PTPRE: variants seen among roughly 807,000 people sequenced by gnomAD.
PTPRE encodes receptor-type tyrosine-protein phosphatase epsilon.
PTPRE carries 51 observed loss-of-function variants against 102.0 expected under a neutral mutation model. The observed-to-expected ratio is 0.50, with a 90% confidence interval of 0.40 to 0.63. PTPRE has a LOEUF of 0.63. PTPRE is among the 30% of genes least tolerant of loss of function. The pLI, the probability that PTPRE is intolerant of heterozygous loss-of-function variation, is 0.00. For synonymous variants in PTPRE, 345 were observed against 348.2 expected (o/e 0.99, Z 0.10); for missense variants, 752 against 915.1 (o/e 0.82, Z 2.30).
At chr10:128,017,232 G>T (rs1845506905) in intron 2 of PTPRE, among the ~76,000 whole-genome samples, 1 of 152,204 alleles carries the variant, frequency 6.6e-6, no homozygotes, top group African/African-American at 2.4e-5. Flanking sequence ...GCATGGCTCA[G>T]AGGGGAATGG....
At chr10:127,919,605 C>T (rs955165160) in intron 1 of PTPRE, among the ~76,000 whole-genome samples, 3 of 152,124 alleles carry the variant, frequency 2.0e-5, no homozygotes, top group South Asian at 2.1e-4. Context: ...GAAGAAAGCC[C>T]GGGTTATTCA....
intron 1 of PTPRE, among the ~76,000 whole-genome samples, chr10:127,918,008 GAC>G (rs1348193498): frequency 6.6e-6 from 1 of 152,060 alleles, no homozygotes; most frequent in Non-Finnish European, 1.5e-5. Context: ...CAGCCTGGGT[GAC>G]AGAGTGAGAC....
chr10:128,008,153 G>A lies in PTPRE; in HGVS notation c.-8+25857G>A, dbSNP rs1422249939. Among the ~76,000 whole-genome samples, 1 of 152,110 alleles carries A rather than the reference G, an allele frequency of 6.6e-6. No individual in the cohort carries two copies. The highest frequency in any genetic ancestry group is 1.5e-5 in the Non-Finnish European group (1 of 68,004). ...TCCCCTGCCCAGGGTACATGCCCCT[G>A]GGAAAACTGCCCAAGGGAAACAGTG... On this transcript the variant is annotated intron_variant, in intron 2 of 20. Coordinates refer to ENST00000254667, the MANE Select transcript of PTPRE (RefSeq NM_006504.6). This position sits in a 1 kb window ranked among gnomAD's most constrained non-coding sequence, Gnocchi z 4.0.
chr10:128,011,636 T>G (rs936284838), intron 2 of PTPRE, among the ~76,000 whole-genome samples: 1 of 152,250 alleles, frequency 6.6e-6, no homozygotes, highest in Non-Finnish European at 1.5e-5. Context: ...GCCCATAAAA[T>G]GCAAAGTTAT....
At chr10:128,016,442 A>G (rs1428371175) in intron 2 of PTPRE, among the ~76,000 whole-genome samples, 1 of 150,800 alleles carries the variant, frequency 6.6e-6, no homozygotes, top group Non-Finnish European at 1.5e-5. Context: ...CTCTAAAAGC[A>G]TGTCTATTTT....
At chr10:128,020,082 A>G (rs1845754687) in intron 2 of PTPRE, among the ~76,000 whole-genome samples, 1 of 151,844 alleles carries the variant, frequency 6.6e-6, no homozygotes, top group African/African-American at 2.4e-5. Context: ...GTGTGCGTGC[A>G]CATGCACGCT....
At chr10:128,073,212 G>C in intron 16 of PTPRE, 125 bp from the exon 17 acceptor site, 3 of 1,343,108 alleles carry the variant, frequency 2.2e-6, no homozygotes, top group Non-Finnish European at 3.1e-6. Context: ...CTGGGGTCTG[G>C]TGCAGACCAT....
At chr10:127,965,722 G>A (rs1348826607) in intron 1 of PTPRE, among the ~76,000 whole-genome samples, 2 of 152,160 alleles carry the variant, frequency 1.3e-5, no homozygotes, top group East Asian at 1.9e-4. Flanking sequence ...TCTGGGTGCG[G>A]TGAGGGTCTG....
intron 2 of PTPRE, among the ~76,000 whole-genome samples, chr10:128,015,694 A>G (rs1358918142): frequency 6.6e-6 from 1 of 151,418 alleles, no homozygotes; most frequent in Admixed American, 6.6e-5. Flanking sequence ...TTGGCCAGGT[A>G]TGGTGCCACA....
At chr10:128,020,241 A>T (rs1435283098) in intron 2 of PTPRE, among the ~76,000 whole-genome samples, 1 of 152,272 alleles carries the variant, frequency 6.6e-6, no homozygotes, top group African/African-American at 2.4e-5. Flanking sequence ...ATATGGATGT[A>T]AATGAGATAC....
At chr10:128,000,501 T>C (rs1166694380) in intron 2 of PTPRE, among the ~76,000 whole-genome samples, 2 of 152,220 alleles carry the variant, frequency 1.3e-5, no homozygotes, top group African/African-American at 2.4e-5. Flanking sequence ...ATACTGCTTA[T>C]AGTTTAAGAC....
chr10:127,975,444 C>A (rs1265716421), intron 1 of PTPRE, among the ~76,000 whole-genome samples: 2 of 152,190 alleles, frequency 1.3e-5, no homozygotes, highest in African/African-American at 4.8e-5. Flanking sequence ...CAGAGCTCAT[C>A]CATTCTGCCT....
At chr10:127,990,789 C>G (rs531582837) in intron 2 of PTPRE, among the ~76,000 whole-genome samples, 1 of 152,338 alleles carries the variant, frequency 6.6e-6, no homozygotes, top group South Asian at 2.1e-4. Flanking sequence ...TGCTCTCTCA[C>G]TGCTCTCCAA....
At position 128,070,777 on chromosome 10, in the gene PTPRE, A is replaced by C. The variant is rs753512451; in HGVS notation, c.1294-31A>C. On this transcript the variant is annotated intron_variant, in intron 14 of 20. Transcript: ENST00000254667. The surrounding 1 kb of genome is among the most constrained non-coding windows in gnomAD (Gnocchi z 4.8). ...ATGTGCTCAGGAGTGTCAGAGGTTT[A>C]ACTGTGTCATTATATCCTTCTCTGC... 3 of 1,596,492 alleles carry C rather than the reference A, an allele frequency of 1.9e-6. No individual in the cohort carries two copies. The Admixed American group carries it at 5.0e-5, about 27-fold the overall frequency.
At chr10:127,951,990 A>AT (rs1276076639) in intron 1 of PTPRE, among the ~76,000 whole-genome samples, 1 of 152,220 alleles carries the variant, frequency 6.6e-6, no homozygotes, top group Non-Finnish European at 1.5e-5. Flanking sequence ...GTGTGCAGCT[A>AT]TTGATCTGGC....
chr10:128,030,666 G>GT (rs139283348), intron 2 of PTPRE, among the ~76,000 whole-genome samples: 1,877 of 152,320 alleles, frequency 0.012, 44 homozygotes, highest in African/African-American at 0.043. Flanking sequence ...GCTTTGAGCA[G>GT]TGCCGCGTGC....
intron 2 of PTPRE, among the ~76,000 whole-genome samples, chr10:127,994,515 G>A (rs566742142): frequency 3.8e-4 from 58 of 152,342 alleles, no homozygotes; most frequent in Non-Finnish European, 6.6e-4. Flanking sequence ...GTGCTGGCAT[G>A]AGAGAGGCAC....
intron 2 of PTPRE, among the ~76,000 whole-genome samples, chr10:128,016,856 G>A (rs958276316): frequency 2.6e-5 from 4 of 152,202 alleles, no homozygotes; most frequent in African/African-American, 4.8e-5. Context: ...CCTTCCTGCC[G>A]GGGAGACCTG....
intron 1 of PTPRE, among the ~76,000 whole-genome samples, chr10:127,966,798 G>T (rs1438069538): frequency 6.6e-6 from 1 of 152,134 alleles, no homozygotes; most frequent in African/African-American, 2.4e-5. Context: ...CACATTTTTT[G>T]ACCACGACAC....
Sources: gnomAD v4.1 joint callset for allele counts (sites outside exome capture counted in the v4.1 genomes callset) on GRCh38, gnomAD v4.1.1 for gene constraint, Gnocchi (gnomAD v3.1) non-coding constraint, MANE v1.5 for transcripts, NCBI Gene and HGNC (gene_info 2026-07-23, HGNC 2026-07-21) for gene names.